CAMK1D: variants seen among roughly 807,000 people sequenced by gnomAD.
CAMK1D encodes calcium/calmodulin-dependent protein kinase type 1D.
A neutral mutation model predicts 47.7 loss-of-function variants in CAMK1D; 9 were observed. The ratio of observed to expected loss-of-function variants is 0.19; its 90% confidence interval spans 0.11 to 0.33. The LOEUF (loss-of-function observed/expected upper bound fraction) is 0.33, where lower values mean the gene tolerates loss of function less well. CAMK1D is among the 10% of genes least tolerant of loss of function. The pLI, the probability that CAMK1D is intolerant of heterozygous loss-of-function variation, is 1.00. For synonymous variants in CAMK1D, 184 were observed against 184.9 expected (o/e 0.99, Z 0.04); for missense variants, 291 against 488.7 (o/e 0.60, Z 3.81).
At chr10:12,818,940 G>A (rs1373370145) in intron 8 of CAMK1D, among the ~76,000 whole-genome samples, 4 of 152,072 alleles carry the variant, frequency 2.6e-5, no homozygotes, top group Non-Finnish European at 5.9e-5. Flanking sequence ...AGGTAATAAA[G>A]GTTTTCTTAC....
chr10:12,767,936 G>A (rs778959327), intron 4 of CAMK1D, among the ~76,000 whole-genome samples: 2 of 152,076 alleles, frequency 1.3e-5, no homozygotes, highest in Non-Finnish European at 2.9e-5. Flanking sequence ...GCAATGGCGC[G>A]ATCTTGGCTC....
At chr10:12,725,384 T>C (rs1834576907) in intron 3 of CAMK1D, 1 of 155,874 alleles carries the variant, frequency 6.4e-6, no homozygotes, top group Non-Finnish European at 1.5e-5. Flanking sequence ...TTGTAGCTTC[T>C]TTCCATTAAA....
At chr10:12,651,818 G>A (rs918497352) in intron 2 of CAMK1D, among the ~76,000 whole-genome samples, 9 of 149,796 alleles carry the variant, frequency 6.0e-5, no homozygotes, top group African/African-American at 9.8e-5. Flanking sequence ...CCGTTCTGTC[G>A]CCCAGGCTGG....
chr10:12,798,081 GC>G (rs933641481), intron 6 of CAMK1D, among the ~76,000 whole-genome samples: 19 of 152,200 alleles, frequency 1.2e-4, no homozygotes, highest in African/African-American at 4.6e-4. Flanking sequence ...GGTAGAGAGG[GC>G]ACCACAGAGC....
At chr10:12,506,541 G>C (rs1326868564) in intron 1 of CAMK1D, among the ~76,000 whole-genome samples, 2 of 152,100 alleles carry the variant, frequency 1.3e-5, no homozygotes, top group Non-Finnish European at 2.9e-5. Context: ...TTGAGACGGG[G>C]AGTCTCGTTC....
chr10:12,477,858 G>A (rs763718153), intron 1 of CAMK1D, among the ~76,000 whole-genome samples: 1 of 152,174 alleles, frequency 6.6e-6, no homozygotes, highest in Non-Finnish European at 1.5e-5. Context: ...TCAGGCAGTG[G>A]TGGTGTTGGA....
At chr10:12,360,000 A>G (rs1279213700) in intron 1 of CAMK1D, among the ~76,000 whole-genome samples, 1 of 152,210 alleles carries the variant, frequency 6.6e-6, no homozygotes, top group Non-Finnish European at 1.5e-5. Context: ...TTTCCAAATC[A>G]GCCATGATTT....
intron 3 of CAMK1D, among the ~76,000 whole-genome samples, chr10:12,751,052 ATAAGATAAGATAAG>A (rs1835926170): frequency 4.2e-3 from 1 of 236 alleles, no homozygotes; most frequent in Admixed American, 0.05. Flanking sequence ...GTCTCCCCCA[ATAAGATAAGATAAG>A]ATAAGATAAG....
At chr10:12,457,891 C>T (rs968682144) in intron 1 of CAMK1D, among the ~76,000 whole-genome samples, 1 of 151,800 alleles carries the variant, frequency 6.6e-6, no homozygotes, top group African/African-American at 2.4e-5. Flanking sequence ...ATAAAATGCT[C>T]TTCTGTCTGA....
At chr10:12,751,046 C>T (rs76317178) in intron 3 of CAMK1D, among the ~76,000 whole-genome samples, 1,584 of 144,110 alleles carry the variant, frequency 0.011, 42 homozygotes, top group African/African-American at 0.04. Flanking sequence ...GAGCCCGTCT[C>T]CCCCAATAAG....
intron 5 of CAMK1D, among the ~76,000 whole-genome samples, chr10:12,783,550 AG>A (rs1837593824): frequency 6.6e-6 from 1 of 152,188 alleles, no homozygotes; most frequent in Non-Finnish European, 1.5e-5. Context: ...GGCTCGGGAA[AG>A]GGAAAATTCT....
intron 1 of CAMK1D, among the ~76,000 whole-genome samples, chr10:12,543,976 A>G (rs1465567668): frequency 2.0e-5 from 3 of 152,256 alleles, no homozygotes; most frequent in Non-Finnish European, 4.4e-5. Flanking sequence ...GAATTCTTTC[A>G]TCACTATGGA....
chr10:12,410,112 T>G (rs1282939959), intron 1 of CAMK1D, among the ~76,000 whole-genome samples: 1 of 152,264 alleles, frequency 6.6e-6, no homozygotes, highest in Non-Finnish European at 1.5e-5. Context: ...CTTGAAATCT[T>G]GATACATACT....
intron 3 of CAMK1D, among the ~76,000 whole-genome samples, chr10:12,739,050 A>C (rs1029426301): frequency 6.6e-6 from 1 of 151,960 alleles, no homozygotes; most frequent in Admixed American, 6.6e-5. Flanking sequence ...CAGGTTGGAC[A>C]ACATGGGGAA....
chr10:12,544,499 C>G (rs1475863915), intron 1 of CAMK1D, among the ~76,000 whole-genome samples: 2 of 152,186 alleles, frequency 1.3e-5, no homozygotes, highest in African/African-American at 4.8e-5. Flanking sequence ...CCAGTCAAAA[C>G]AAACAGTGAT....
intron 1 of CAMK1D, among the ~76,000 whole-genome samples, chr10:12,419,995 T>C (rs916855918): frequency 4.6e-5 from 7 of 152,098 alleles, no homozygotes; most frequent in African/African-American, 1.4e-4. Context: ...AGTCTTGCTC[T>C]GTCGCCCAGG....
intron 1 of CAMK1D, among the ~76,000 whole-genome samples, chr10:12,470,498 T>G (rs1373514913): frequency 2.0e-5 from 3 of 150,262 alleles, no homozygotes; most frequent in South Asian, 4.2e-4. Flanking sequence ...TGTGTATGCT[T>G]CTTCTTCTTC....
At chr10:12,494,236 A>C (rs1428479663) in intron 1 of CAMK1D, among the ~76,000 whole-genome samples, 3 of 152,206 alleles carry the variant, frequency 2.0e-5, no homozygotes, top group Admixed American at 6.5e-5. Flanking sequence ...ATGCTAGAAG[A>C]AGCTTAACTT....
chr10:12,640,488 A>G (rs750351915), intron 2 of CAMK1D, among the ~76,000 whole-genome samples: 1 of 152,172 alleles, frequency 6.6e-6, no homozygotes, highest in Non-Finnish European at 1.5e-5. Context: ...TATGGATGGA[A>G]ATGAGCCTCA....
Sources: gnomAD v4.1 joint callset for allele counts (sites outside exome capture counted in the v4.1 genomes callset) on GRCh38, gnomAD v4.1.1 for gene constraint, MANE v1.5 for transcripts, NCBI Gene and HGNC (gene_info 2026-07-23, HGNC 2026-07-21) for gene names.